Variants in LNX1 observed in about 807,000 individuals in gnomAD.
The protein encoded by LNX1 is E3 ubiquitin-protein ligase LNX.
A neutral mutation model predicts 68.4 loss-of-function variants in LNX1; 54 were observed. The observed-to-expected ratio is 0.79, with a 90% CI of 0.63 to 0.99. LNX1 has a LOEUF of 0.99. Among genes scored for constraint, LNX1 ranks in the 50% least tolerant of loss-of-function variants. The pLI is 0.00. For missense variants in LNX1, 906 were observed against 926.4 expected (o/e 0.98, Z 0.29); for synonymous variants, 336 against 350.0 (o/e 0.96, Z 0.45).
At chr4:53,565,966 CG>C (rs1470656350) in intron 2 of LNX1, among the ~76,000 whole-genome samples, 51 of 151,974 alleles carry the variant, frequency 3.4e-4, no homozygotes, top group Admixed American at 1.1e-3. Context: ...TAAAAAGAAA[CG>C]AGCAAAGCCT....
intron 2 of LNX1, among the ~76,000 whole-genome samples, chr4:53,571,025 TAAAAA>T (rs879847801): frequency 7.6e-6 from 1 of 131,828 alleles, no homozygotes; most frequent in Middle Eastern, 3.9e-3. Flanking sequence ...AGACTCCGTC[TAAAAA>T]AAAAAAAAAA....
At chr4:53,600,209 T>G (rs778704506) in intron 2 of LNX1, among the ~76,000 whole-genome samples, 8 of 152,226 alleles carry the variant, frequency 5.3e-5, no homozygotes, top group Non-Finnish European at 7.3e-5. Context: ...AATAGAGTAC[T>G]CTGTCCTCTA....
chr4:53,644,476 A>T (rs188604904), intron 1 of LNX1, among the ~76,000 whole-genome samples: 63 of 152,322 alleles, frequency 4.1e-4, no homozygotes, highest in South Asian at 8.3e-4. Flanking sequence ...GACTTAAGCT[A>T]GACTGATGTA....
intron 1 of LNX1, among the ~76,000 whole-genome samples, 162 bp downstream of exon 1, chr4:53,591,226 G>T (rs2109821478): frequency 6.6e-6 from 1 of 152,296 alleles, no homozygotes; most frequent in South Asian, 2.1e-4. Context: ...GAATGTCAAA[G>T]TCATCTCTCT....
intron 1 of LNX1, among the ~76,000 whole-genome samples, chr4:53,579,094 G>A (rs1278208527): frequency 1.3e-5 from 2 of 152,178 alleles, no homozygotes; most frequent in East Asian, 1.9e-4. Context: ...AAAAGTAAGA[G>A]AGAGGGCCTG....
intron 1 of LNX1, among the ~76,000 whole-genome samples, chr4:53,579,557 C>T (rs1443075281): frequency 7.9e-5 from 12 of 152,260 alleles, no homozygotes; most frequent in African/African-American, 2.9e-4. Flanking sequence ...ACAATAAAGA[C>T]ACATACCAGA....
intron 6 of LNX1, among the ~76,000 whole-genome samples, chr4:53,489,082 T>C (rs1579396604): frequency 6.6e-6 from 1 of 152,318 alleles, no homozygotes; most frequent in Admixed American, 6.5e-5. Flanking sequence ...TTAATTTGTT[T>C]GCCATTGAAA....
At chr4:53,501,305 T>A (rs56014502) in intron 4 of LNX1, among the ~76,000 whole-genome samples, 9 of 88,824 alleles carry the variant, frequency 1.0e-4, no homozygotes, top group East Asian at 9.2e-4. Flanking sequence ...TTTTTGGGGG[T>A]GGGGGGACAG....
At chr4:53,566,703 C>T (rs1315733138) in intron 2 of LNX1, among the ~76,000 whole-genome samples, 3 of 151,898 alleles carry the variant, frequency 2.0e-5, no homozygotes, top group Non-Finnish European at 4.4e-5. Context: ...CACAGACTGG[C>T]AAATTGGATA....
chr4:53,464,200 T>G (rs576158104), intron 9 of LNX1, among the ~76,000 whole-genome samples: 1 of 152,074 alleles, frequency 6.6e-6, no homozygotes, highest in South Asian at 2.1e-4. Flanking sequence ...TTCAGAAAAG[T>G]TTAACTTCCT....
intron 1 of LNX1, among the ~76,000 whole-genome samples, chr4:53,631,794 A>T (rs558663938): frequency 6.6e-6 from 1 of 151,902 alleles, no homozygotes; most frequent in South Asian, 2.1e-4. Context: ...GCAAACAGTC[A>T]CCCCAGGGAC....
chr4:53,512,454 C>CTCTT (rs1386528820), intron 2 of LNX1, among the ~76,000 whole-genome samples: 1 of 150,594 alleles, frequency 6.6e-6, no homozygotes, highest in African/African-American at 2.4e-5. Context: ...CTACCCTTTC[C>CTCTT]TCTTTCTCCA....
At chr4:53,623,839 G>A (rs1733974446) in intron 1 of LNX1, among the ~76,000 whole-genome samples, 1 of 152,146 alleles carries the variant, frequency 6.6e-6, no homozygotes, top group Non-Finnish European at 1.5e-5. Context: ...GCTTGCCCAA[G>A]GTTGCACAGT....
chr4:53,605,918 G>C (rs1377186144), intron 2 of LNX1, among the ~76,000 whole-genome samples: 1 of 152,162 alleles, frequency 6.6e-6, no homozygotes, highest in Non-Finnish European at 1.5e-5. Context: ...ATCAGCTGGT[G>C]ATTCCGTTTC....
At chr4:53,564,887 A>C (rs13127527) in intron 2 of LNX1, among the ~76,000 whole-genome samples, 80 of 152,068 alleles carry the variant, frequency 5.3e-4, no homozygotes, top group African/African-American at 1.9e-3. Context: ...AAGGGGTGAC[A>C]GACAGCACCG....
chr4:53,631,519 C>G (rs536571887), intron 1 of LNX1, among the ~76,000 whole-genome samples: 16 of 152,108 alleles, frequency 1.1e-4, no homozygotes, highest in Non-Finnish European at 2.4e-4. Context: ...CAATATAATT[C>G]CAAATCTCCC....
intron 1 of LNX1, among the ~76,000 whole-genome samples, chr4:53,633,297 A>T (rs1344810670): frequency 6.6e-6 from 1 of 152,144 alleles, no homozygotes; most frequent in Non-Finnish European, 1.5e-5. Context: ...ACCCCCATCC[A>T]CGCATGGTTC....
intron 2 of LNX1, among the ~76,000 whole-genome samples, chr4:53,532,337 G>A (rs1728075507): frequency 1.3e-5 from 2 of 152,044 alleles, no homozygotes; most frequent in African/African-American, 4.8e-5. Flanking sequence ...TTAGCCGGGC[G>A]TGTTGGCACG....
Position 53,461,044 on chromosome 4 carries a change from T to TA in LNX1, c.2052-3dup, listed in dbSNP as rs60909872. The TA allele has an allele frequency of 0.15, 145,851 of 993,874 alleles. 1,891 individuals are homozygous for TA. The highest frequency in any genetic ancestry group is 0.33 in the South Asian group (19,727 of 60,698). 61.6% of individuals were successfully genotyped at this position (993,874 alleles called of 1,614,324 possible). A position where few individuals can be genotyped will look rare whatever the true frequency, so the allele number is the denominator to read the frequency against. The stretch of plus-strand genomic sequence containing the variant: ...ACAGCAAGAAGAATATCACCACATC[T>TA]AAAAAAAAAAACAAAACAAGATATG... On this transcript the variant is annotated splice_polypyrimidine_tract_variant and splice_region_variant and intron_variant, in intron 10 of 10. Coordinates refer to ENST00000263925, the MANE Select transcript of LNX1 (RefSeq NM_001126328.3).
Sources: gnomAD v4.1 joint callset for allele counts (sites outside exome capture counted in the v4.1 genomes callset) on GRCh38, gnomAD v4.1.1 for gene constraint, MANE v1.5 for transcripts, NCBI Gene and HGNC (gene_info 2026-07-23, HGNC 2026-07-21) for gene names.